The following MAP4 variants were observed in gnomAD, a reference collection of about 807,000 sequenced individuals.
MAP4 encodes the protein microtubule associated protein 4.
In MAP4, 76 loss-of-function variants were observed where a neutral mutation model predicts 170.2. The ratio of observed to expected loss-of-function variants is 0.45; its 90% CI spans 0.37 to 0.54. The LOEUF (loss-of-function observed/expected upper bound fraction) is 0.54. MAP4 is among the 20% of genes least tolerant of loss of function. The pLI is 0.00. For missense variants in MAP4, 2,506 were observed against 2,748.0 expected, an observed-to-expected ratio of 0.91 and a Z score of 1.97; for synonymous variants, 909 against 994.5, an observed-to-expected ratio of 0.91 and a Z score of 1.62.
intron 11 of MAP4, among the ~76,000 whole-genome samples, chr3:47,876,120 CTT>C (rs1010436199): frequency 2.4e-5 from 3 of 126,096 alleles, no homozygotes; most frequent in African/African-American, 1.0e-4. Context: ...GGAATAGTTT[CTT>C]TTTCTTTTTC....
intron 9 of MAP4, among the ~76,000 whole-genome samples, chr3:47,906,840 CTT>C (rs1192614085): frequency 2.1e-5 from 3 of 142,882 alleles, no homozygotes; most frequent in Non-Finnish European, 1.5e-5. Flanking sequence ...TATACTGATT[CTT>C]TTTTTTTTTT....
intron 10 of MAP4, among the ~76,000 whole-genome samples, chr3:47,894,439 TG>T (rs1396631368): frequency 2.0e-5 from 3 of 151,900 alleles, no homozygotes; most frequent in Non-Finnish European, 4.4e-5. Flanking sequence ...AAAAATTAGC[TG>T]GGCATGGTGG....
At chr3:47,897,319 G>T (rs2100027404) in intron 10 of MAP4, among the ~76,000 whole-genome samples, 1 of 152,040 alleles carries the variant, frequency 6.6e-6, no homozygotes, top group African/African-American at 2.4e-5. Context: ...TAGAGACAGG[G>T]TTTCACGATG....
intron 10 of MAP4, among the ~76,000 whole-genome samples, chr3:47,880,354 T>C (rs1312602761): frequency 1.3e-5 from 2 of 148,760 alleles, no homozygotes; most frequent in Non-Finnish European, 3.0e-5. Flanking sequence ...GTGATCCACC[T>C]GCCTCGGCCT....
At chr3:47,920,544 GTT>G (rs71070241) in intron 5 of MAP4, among the ~76,000 whole-genome samples, 1,355 of 96,612 alleles carry the variant, frequency 0.014, 22 homozygotes, top group East Asian at 0.082. Context: ...CACCCAGATG[GTT>G]TTTTTTTTTT....
intron 1 of MAP4, among the ~76,000 whole-genome samples, chr3:48,046,880 G>A (rs1407776685): frequency 1.3e-5 from 2 of 151,664 alleles, no homozygotes; most frequent in African/African-American, 4.8e-5. Flanking sequence ...GGATCACGAG[G>A]TCAGGAGATC....
chr3:47,876,700 A>G (rs1190704593), intron 11 of MAP4, among the ~76,000 whole-genome samples: 1 of 152,198 alleles, frequency 6.6e-6, no homozygotes, highest in African/African-American at 2.4e-5. Flanking sequence ...TGAACTTTGC[A>G]ATAAGTACTA....
At chr3:47,978,179 A>T (rs2100083310) in intron 2 of MAP4, among the ~76,000 whole-genome samples, 1 of 152,210 alleles carries the variant, frequency 6.6e-6, no homozygotes, top group African/African-American at 2.4e-5. Context: ...TCATAATAGC[A>T]AGTCTAAATC....
intron 2 of MAP4, among the ~76,000 whole-genome samples, chr3:47,991,531 G>A (rs191138149): frequency 2.6e-5 from 4 of 152,242 alleles, no homozygotes; most frequent in East Asian, 3.9e-4. Context: ...AGCAAGGCAC[G>A]CGCACCTGTA....
chr3:48,060,483 G>T (rs2100134594), intron 1 of MAP4, among the ~76,000 whole-genome samples: 1 of 152,090 alleles, frequency 6.6e-6, no homozygotes, highest in Non-Finnish European at 1.5e-5. Context: ...CATGATGTAG[G>T]AAAGAAAAAA....
rs370172245 is a variant in MAP4, at chr3:47,887,226, C to T, written c.5435-9703G>A. On this transcript the variant is annotated intron_variant, in intron 10 of 20. Transcript: ENST00000683076. ...TGGAAGGAGAGGCGCGAGCAGGAAC[C>T]GGGGCTGCGCGCAGCACTTGCGGGT... Among the ~76,000 whole-genome samples, 213 of 152,316 alleles carry T rather than the reference C, an allele frequency of 1.4e-3. 4 individuals carry two copies. The South Asian group carries it at 0.041, about 29-fold the overall frequency.
chr3:48,074,676 T>TTGTGTGTGTGTGTGTGTGTGTGTGTG (rs555691222), intron 1 of MAP4, among the ~76,000 whole-genome samples: 2 of 90,638 alleles, frequency 2.2e-5, no homozygotes, highest in South Asian at 3.9e-4. Flanking sequence ...ATCCAGCTAA[T>TTGTGTGTGTGTGTGTGTGTGTGTGTG]TGTGTGTGTG....
intron 1 of MAP4, among the ~76,000 whole-genome samples, chr3:48,058,497 G>A (rs1220021534): frequency 6.6e-6 from 1 of 152,138 alleles, no homozygotes; most frequent in Non-Finnish European, 1.5e-5. Context: ...ACTAGGTCTG[G>A]CTGAACAGGA....
At chr3:48,079,160 G>C in intron 1 of MAP4, among the ~76,000 whole-genome samples, 1 of 151,888 alleles carries the variant, frequency 6.6e-6, no homozygotes, top group Middle Eastern at 3.2e-3. Context: ...GCGAGACCCT[G>C]TCTCAAAAAA....
intron 1 of MAP4, among the ~76,000 whole-genome samples, chr3:48,011,230 G>A (rs564832492): frequency 6.6e-6 from 1 of 152,198 alleles, no homozygotes; most frequent in East Asian, 1.9e-4. Flanking sequence ...GGAATTCAAT[G>A]GTTCCTATAG....
At chr3:47,979,078 A>G (rs1054508194) in intron 2 of MAP4, among the ~76,000 whole-genome samples, 2 of 151,718 alleles carry the variant, frequency 1.3e-5, no homozygotes, top group African/African-American at 4.8e-5. Flanking sequence ...TTTTTTCCCC[A>G]TGTTTTCTTC....
At chr3:48,047,978 C>A (rs2100125473) in intron 1 of MAP4, among the ~76,000 whole-genome samples, 1 of 152,094 alleles carries the variant, frequency 6.6e-6, no homozygotes, top group Non-Finnish European at 1.5e-5. Flanking sequence ...TGACACACAG[C>A]CTATAGTTCC....
At chr3:48,018,630 C>A (rs2100109011), upstream of MAP4, among the ~76,000 whole-genome samples, 1 of 151,852 alleles carries the variant, frequency 6.6e-6, no homozygotes. Flanking sequence ...AAGGTGAAAC[C>A]CCTCTCTACT....
chr3:48,080,115 A>G (rs2100145892), intron 1 of MAP4, among the ~76,000 whole-genome samples: 1 of 152,222 alleles, frequency 6.6e-6, no homozygotes, highest in Non-Finnish European at 1.5e-5. Flanking sequence ...TGCAAAGTTG[A>G]GATTAGAGCT....
Sources: gnomAD v4.1 joint callset for allele counts (sites outside exome capture counted in the v4.1 genomes callset) on GRCh38, gnomAD v4.1.1 for gene constraint, MANE v1.5 for transcripts, NCBI Gene and HGNC (gene_info 2026-07-23, HGNC 2026-07-21) for gene names.